CDADC1: variants seen among roughly 807,000 people sequenced by gnomAD.
The protein encoded by CDADC1 is dCTP deaminase.
CDADC1 carries 39 observed loss-of-function variants against 54.9 expected under a neutral mutation model. The observed-to-expected ratio is 0.71, with a 90% CI of 0.55 to 0.93. CDADC1 has a LOEUF of 0.93. Ranked by LOEUF, CDADC1 falls within the 40% of genes least tolerant of loss-of-function variation. The probability of loss-of-function intolerance (pLI) is 0.00; values close to 1 mark genes in which losing one functional copy is unlikely to be tolerated. For missense variants in CDADC1, 518 were observed against 618.8 expected, an observed-to-expected ratio of 0.84 and a Z score of 1.73; for synonymous variants, 186 against 204.0, an observed-to-expected ratio of 0.91 and a Z score of 0.75.
chr13:49,274,867 A>T (rs1953062221), intron 6 of CDADC1, among the ~76,000 whole-genome samples: 1 of 152,162 alleles, frequency 6.6e-6, no homozygotes, highest in Non-Finnish European at 1.5e-5. Flanking sequence ...TAGTTTAGTG[A>T]TGGAGATGTA....
intron 3 of CDADC1, among the ~76,000 whole-genome samples, chr13:49,256,961 C>G (rs780577255): frequency 7.9e-5 from 12 of 152,154 alleles, no homozygotes; most frequent in Non-Finnish European, 1.3e-4. Flanking sequence ...TAGTGTAAAA[C>G]TCTGTGACTA....
rs565190713 is a variant in CDADC1, at chr13:49,264,476, T to C, written c.431-3014T>C. ...GTGGCCCACACCTGCAATCCCAACA[T>C]TGTGAGGCCAGTGGGAGGACCACCT... On this transcript the variant is annotated intron_variant, in intron 4 of 9. Coordinates refer to ENST00000251108, the MANE Select transcript of CDADC1 (RefSeq NM_030911.4). 8.9e-4 allele frequency among the ~76,000 whole-genome samples: 134 copies of C among 150,848 alleles called. 1 individual carries two copies. The highest frequency in any genetic ancestry group is 1.2e-4 in the Non-Finnish European group (8 of 67,814).
chr13:49,252,918 C>T (rs888345776), intron 2 of CDADC1, among the ~76,000 whole-genome samples: 1 of 152,170 alleles, frequency 6.6e-6, no homozygotes, highest in African/African-American at 2.4e-5. Context: ...TTAAATTTCT[C>T]AAAATGTTGC....
intron 2 of CDADC1, among the ~76,000 whole-genome samples, chr13:49,250,435 G>T (rs1024935330): frequency 3.2e-4 from 48 of 152,310 alleles, no homozygotes; most frequent in African/African-American, 1.1e-3. Flanking sequence ...ATGTTGGCAA[G>T]ACTGGGAGCC....
chr13:49,281,690 A>G (rs1377525790), intron 8 of CDADC1, among the ~76,000 whole-genome samples: 3 of 152,224 alleles, frequency 2.0e-5, no homozygotes, highest in African/African-American at 7.2e-5. Flanking sequence ...ATCCCCTGCA[A>G]TAGTTTAAAG....
chr13:49,251,417 A>G (rs184890409), intron 2 of CDADC1, among the ~76,000 whole-genome samples: 215 of 152,186 alleles, frequency 1.4e-3, no homozygotes, highest in African/African-American at 5.0e-3. Flanking sequence ...AAAAGAAAAA[A>G]AAACGTATAA....
intron 6 of CDADC1, 23 bp from the exon 7 acceptor site, chr13:49,278,327 C>A (rs944785166): frequency 3.4e-6 from 5 of 1,473,654 alleles, no homozygotes; most frequent in East Asian, 2.4e-5. Flanking sequence ...TGAAACTAAC[C>A]ATTGGTTTGC....
rs560952160 is a variant in CDADC1 at position 49,289,112 on chromosome 13, T to C, written c.1472-2572T>C. ...AATTAACATTGCACGGAAGTAGCTT[T>C]TTTTTTGCTTTTTTTTTTTTTTTTT... is the stretch of plus-strand genomic sequence containing the variant. On this transcript the variant is annotated intron_variant, in intron 9 of 9. Transcript: ENST00000251108. Among the ~76,000 whole-genome samples, 19 of 140,460 alleles carry C rather than the reference T, an allele frequency of 1.4e-4. No homozygotes were observed. The South Asian group carries it at 4.2e-3, about 31-fold the overall frequency. 92.1% of individuals were successfully genotyped at this position (140,460 alleles called of 152,430 possible). A position where few individuals can be genotyped will look rare whatever the true frequency, so the allele number is the denominator to read the frequency against.
intron 2 of CDADC1, among the ~76,000 whole-genome samples, chr13:49,255,239 C>G (rs1259686001): frequency 6.6e-6 from 1 of 152,206 alleles, no homozygotes; most frequent in African/African-American, 2.4e-5. Context: ...TCCCACACCC[C>G]TCTTTTACTC....
chr13:49,257,703 A>C (rs1202298949), intron 3 of CDADC1, among the ~76,000 whole-genome samples: 1 of 152,234 alleles, frequency 6.6e-6, no homozygotes, highest in East Asian at 1.9e-4. Context: ...CGGAGCTTGC[A>C]GTGAGCCGAG....
At chr13:49,284,887 C>T (rs1052548370) in intron 8 of CDADC1, among the ~76,000 whole-genome samples, 1 of 152,160 alleles carries the variant, frequency 6.6e-6, no homozygotes, top group Non-Finnish European at 1.5e-5. Context: ...TTGGTTAAGT[C>T]ATTAGTGATT....
intron 4 of CDADC1, among the ~76,000 whole-genome samples, chr13:49,263,496 C>G (rs1207777580): frequency 2.0e-5 from 3 of 152,144 alleles, no homozygotes; most frequent in African/African-American, 4.8e-5. Context: ...CGTAACAGTT[C>G]AAAAAGTTTG....
At chr13:49,265,226 C>T (rs148778637) in intron 4 of CDADC1, among the ~76,000 whole-genome samples, 208 of 152,244 alleles carry the variant, frequency 1.4e-3, no homozygotes, top group African/African-American at 4.8e-3. Flanking sequence ...TATTTAAGTA[C>T]TTTGATTATA....
chr13:49,268,762 C>A (rs550084582), intron 5 of CDADC1, among the ~76,000 whole-genome samples: 22 of 152,210 alleles, frequency 1.4e-4, no homozygotes, highest in African/African-American at 5.3e-4. Flanking sequence ...AAAATCTTTA[C>A]AATAACATTA....
At chr13:49,275,692 TATATATATATA>T (rs1953087422) in intron 6 of CDADC1, among the ~76,000 whole-genome samples, 1 of 16,294 alleles carries the variant, frequency 6.1e-5, no homozygotes, top group East Asian at 1.9e-3. Flanking sequence ...CTAGGTGTTA[TATATATATATA>T]TATATATATA....
intron 4 of CDADC1, among the ~76,000 whole-genome samples, chr13:49,263,441 T>G (rs1365566749): frequency 1.3e-5 from 2 of 152,174 alleles, no homozygotes; most frequent in African/African-American, 4.8e-5. Context: ...AAATCATGCA[T>G]GAGTAAAAGC....
At chr13:49,278,670 C>T in intron 7 of CDADC1, 151 bp downstream of exon 7, 1 of 582,006 alleles carries the variant, frequency 1.7e-6, no homozygotes. Flanking sequence ...GTCCTCACTG[C>T]CAGACCTGAA....
At chr13:49,267,002 C>T (rs974635059) in intron 4 of CDADC1, among the ~76,000 whole-genome samples, 3 of 152,158 alleles carry the variant, frequency 2.0e-5, no homozygotes, top group Non-Finnish European at 2.9e-5. Flanking sequence ...AGTAACTCCA[C>T]AAATGCATTC....
intron 5 of CDADC1, among the ~76,000 whole-genome samples, chr13:49,272,139 A>G (rs1221869812): frequency 6.6e-6 from 1 of 152,232 alleles, no homozygotes; most frequent in Non-Finnish European, 1.5e-5. Context: ...TAAGAAACAT[A>G]ACATTAAAAA....
Sources: gnomAD v4.1 joint callset for allele counts (sites outside exome capture counted in the v4.1 genomes callset) on GRCh38, gnomAD v4.1.1 for gene constraint, MANE v1.5 for transcripts, NCBI Gene and HGNC (gene_info 2026-07-23, HGNC 2026-07-21) for gene names.